Variants in PSTPIP2 observed in about 807,000 individuals in gnomAD.
PSTPIP2 encodes proline-serine-threonine phosphatase-interacting protein 2.
A neutral mutation model predicts 63.3 loss-of-function variants in PSTPIP2; 33 were observed. The ratio of observed to expected loss-of-function variants is 0.52; its 90% CI spans 0.40 to 0.70. The LOEUF is 0.70. PSTPIP2 is among the 30% of genes least tolerant of loss of function. The pLI is 0.00. For synonymous variants in PSTPIP2, 125 were observed against 132.7 expected, an observed-to-expected ratio of 0.94 and a Z score of 0.40; for missense variants, 312 against 400.7, an observed-to-expected ratio of 0.78 and a Z score of 1.89.
At chr18:46,028,426 C>A in intron 2 of PSTPIP2, 1 of 547,226 alleles carries the variant, frequency 1.8e-6, no homozygotes, top group Non-Finnish European at 3.6e-6. Flanking sequence ...ACGGCTCCGG[C>A]AGCGGAACCG....
chr18:46,067,895 G>A (rs1048249185), intron 1 of PSTPIP2, among the ~76,000 whole-genome samples: 7 of 152,074 alleles, frequency 4.6e-5, no homozygotes, highest in South Asian at 2.1e-4. Context: ...CATAAAATCC[G>A]AGAGAGTATT....
chr18:45,997,810 T>C lies in PSTPIP2; in HGVS notation c.581A>G (p.His194Arg). The change falls in exon 9 of 15, where the codon CAC becomes CGC. Residue 194 changes from histidine (H) to arginine (R), a missense_variant. Physicochemically the swap from His to Arg is conservative, Grantham distance 29. Coordinates refer to ENST00000409746, the MANE Select transcript of PSTPIP2 (RefSeq NM_024430.4). ...TCGGACCTTATCCAGGGTGCCGATG[T>C]GCAGCATGTATGCTTTGTCTGCAAC... is the stretch of plus-strand genomic sequence containing the variant. ...VEDSDKAYML[H>R]IGTLDKVREE... 1 of 1,546,594 alleles carries C rather than the reference T, an allele frequency of 6.5e-7. No homozygotes were observed. The highest frequency in any genetic ancestry group is 8.8e-7 in the Non-Finnish European group (1 of 1,140,056).
chr18:46,057,519 G>A (rs1486122230), intron 1 of PSTPIP2, among the ~76,000 whole-genome samples: 1 of 151,448 alleles, frequency 6.6e-6, no homozygotes, highest in East Asian at 2.0e-4. Context: ...TAGTAGAGAT[G>A]GGATTTCACC....
intron 5 of PSTPIP2, among the ~76,000 whole-genome samples, chr18:46,007,001 CATT>C (rs1185731621): frequency 6.6e-6 from 1 of 152,156 alleles, no homozygotes; most frequent in East Asian, 1.9e-4. Flanking sequence ...TTTTGTTTCT[CATT>C]ATTACCCAAA....
chr18:46,056,544 C>G (rs1908761563), intron 1 of PSTPIP2, among the ~76,000 whole-genome samples: 1 of 152,020 alleles, frequency 6.6e-6, no homozygotes, highest in Admixed American at 6.6e-5. Context: ...CTGGGCCACA[C>G]AGCAAGACTC....
chr18:46,055,555 G>A (rs961817767), intron 1 of PSTPIP2, among the ~76,000 whole-genome samples: 1 of 152,178 alleles, frequency 6.6e-6, no homozygotes, highest in African/African-American at 2.4e-5. Flanking sequence ...CTAGGCTCAA[G>A]CGAGCTGCCT....
intron 7 of PSTPIP2, 87 bp downstream of exon 7, chr18:45,999,349 G>C (rs952625578): frequency 2.4e-6 from 3 of 1,254,882 alleles, no homozygotes; most frequent in Non-Finnish European, 3.5e-6. Context: ...TTAGGATACA[G>C]GTTCATTTCT....
At chr18:46,063,440 T>C (rs765574611) in intron 1 of PSTPIP2, among the ~76,000 whole-genome samples, 48 of 152,136 alleles carry the variant, frequency 3.2e-4, no homozygotes, top group Non-Finnish European at 5.9e-4. Context: ...ATTTTACAGA[T>C]GAGGAGGCAA....
chr18:45,997,674 C>CCTCCTCCCCTCCCCCCCCG (rs2051614162), intron 9 of PSTPIP2, 75 bp downstream of exon 9: 1 of 280,600 alleles, frequency 3.6e-6, no homozygotes, highest in Admixed American at 3.5e-5. Context: ...CTCCCCCCCC[C>CCTCCTCCCCTCCCCCCCCG]GTCCTGAGCA....
At chr18:46,051,544 T>C (rs999849482) in intron 1 of PSTPIP2, among the ~76,000 whole-genome samples, 4 of 152,210 alleles carry the variant, frequency 2.6e-5, no homozygotes, top group South Asian at 2.1e-4. Context: ...GTTAAGGTCA[T>C]GGCTTTTTGA....
chr18:45,984,383 A>C lies in PSTPIP2; in HGVS notation c.*1076T>G. ...TGCTGTTTGTGAGTGAAAAAGGAAAACCCAAATATTTGTGAAAGTGTAAGA... is the reference window on the plus strand; with the variant it reads ...TGCTGTTTGTGAGTGAAAAAGGAAACCCCAAATATTTGTGAAAGTGTAAGA... On this transcript the variant is annotated 3_prime_UTR_variant, in exon 15 of 15. Transcript: ENST00000409746. 1 of 152,184 alleles carries C rather than the reference A, an allele frequency of 6.6e-6. No individual in the cohort carries two copies. Among genetic ancestry groups the C allele is most frequent in the East Asian group, 1.9e-4 (1 of 5,202 alleles). 9.4% of individuals were successfully genotyped at this position (152,184 alleles called of 1,614,324 possible).
chr18:45,985,378 G>A lies in PSTPIP2; in HGVS notation c.*81C>T, dbSNP rs1353709554. On this transcript the variant is annotated 3_prime_UTR_variant, in exon 15 of 15. Transcript: ENST00000409746. ...TCAAAGTCTTCATTGCTGACATAAC[G>A]TGGCTATAGGTCCTGCTGCTCTGGG... The A allele has an allele frequency of 1.3e-6, 2 of 1,576,484 alleles. No individual in the cohort carries two copies. Among genetic ancestry groups the A allele is most frequent in the East Asian group, 2.3e-5 (1 of 44,352 alleles).
chr18:46,037,660 AAC>A (rs1049734098), intron 2 of PSTPIP2, among the ~76,000 whole-genome samples: 3 of 152,176 alleles, frequency 2.0e-5, no homozygotes, highest in African/African-American at 7.2e-5. Context: ...TGGAGGAACA[AAC>A]ACACAGGCTC....
chr18:45,985,247 G>T lies in PSTPIP2; in HGVS notation c.*212C>A. ...TGGGAAAGAATAATTCTTCAGAATG[G>T]GGCAATTTGTAAACTTCAAAAAACT... On this transcript the variant is annotated 3_prime_UTR_variant, in exon 15 of 15. Transcript: ENST00000409746. 1 of 597,912 alleles carries T rather than the reference G, an allele frequency of 1.7e-6. No homozygotes were observed. Among genetic ancestry groups the T allele is most frequent in the East Asian group, 3.0e-5 (1 of 33,088 alleles). The allele number at this position is 597,912 out of a possible 1,614,324, so 37.0% of individuals were successfully genotyped here. A position where few individuals can be genotyped will look rare whatever the true frequency, so the allele number is the denominator to read the frequency against.
chr18:46,044,561 GA>G (rs1472287933), intron 1 of PSTPIP2, among the ~76,000 whole-genome samples: 3 of 152,154 alleles, frequency 2.0e-5, no homozygotes, highest in Non-Finnish European at 4.4e-5. Context: ...AACCCTAGAA[GA>G]AAACCTAGGC....
At chr18:46,011,793 G>A (rs1222984766) in intron 4 of PSTPIP2, among the ~76,000 whole-genome samples, 2 of 152,160 alleles carry the variant, frequency 1.3e-5, no homozygotes, top group East Asian at 1.9e-4. Flanking sequence ...TATACAAGGA[G>A]TATGGCCTGC....
rs747288838 is a variant in PSTPIP2, at chr18:45,999,473, C to T, written c.479G>A (p.Arg160Gln). 7.4e-6 allele frequency: 12 copies of T among 1,614,094 alleles called. No homozygotes were observed. The highest frequency in any genetic ancestry group is 5.5e-5 in the South Asian group (5 of 91,094). ...CTTCGGGTTCACCAGGTTGGCACTC[C>T]GGCTGACGGCCTGTTCTGCCTCATC... is the stretch of plus-strand genomic sequence containing the variant. The part of the protein sequence containing the change: ...DKDEAEQAVS[R>Q]SANLVNPKQQ... Residue 160 changes from arginine to glutamine, a missense_variant, in exon 7 of 15, where the codon CGG becomes CAG. Physicochemically the swap from Arg to Gln is conservative, Grantham distance 43 (BLOSUM62 1). Transcript: ENST00000409746.
intron 5 of PSTPIP2, among the ~76,000 whole-genome samples, chr18:46,010,132 C>T (rs1253305731): frequency 2.0e-5 from 3 of 152,166 alleles, no homozygotes; most frequent in African/African-American, 7.2e-5. Flanking sequence ...CTGCTGCCCA[C>T]CATAGAGGCC....
intron 5 of PSTPIP2, among the ~76,000 whole-genome samples, chr18:46,009,437 CAAGT>C (rs1339920716): frequency 7.2e-6 from 1 of 139,008 alleles, no homozygotes; most frequent in Non-Finnish European, 1.5e-5. Flanking sequence ...CATTTTGACA[CAAGT>C]AATTACAATT....
Sources: gnomAD v4.1 joint callset for allele counts (sites outside exome capture counted in the v4.1 genomes callset) on GRCh38, gnomAD v4.1.1 for gene constraint, MANE v1.5 for transcripts, NCBI Gene and HGNC (gene_info 2026-07-23, HGNC 2026-07-21) for gene names.